The following ZFAND4 variants were observed in gnomAD, a reference collection of about 807,000 sequenced individuals.
ZFAND4 encodes the protein zinc finger AN1-type containing 4, also known as AN1-type zinc finger protein 4.
ZFAND4 carries 43 observed loss-of-function variants against 64.4 expected under a neutral mutation model. The ratio of observed to expected loss-of-function variants is 0.67; its 90% CI spans 0.52 to 0.86. ZFAND4 has a LOEUF of 0.86. ZFAND4 is among the 40% of genes least tolerant of loss of function. The pLI is 0.00. For missense variants in ZFAND4, 929 were observed against 859.8 expected (o/e 1.08, Z -1.01); for synonymous variants, 296 against 305.7 (o/e 0.97, Z 0.33).
At chr10:45,634,726 T>C (rs142071124) in intron 6 of ZFAND4, among the ~76,000 whole-genome samples, 1,599 of 152,194 alleles carry the variant, frequency 0.011, 19 homozygotes, top group South Asian at 0.016. Flanking sequence ...TTATCCTTGA[T>C]TGCAGATAAT....
At chr10:45,632,432 G>A (rs868191881) in intron 6 of ZFAND4, among the ~76,000 whole-genome samples, 1 of 152,072 alleles carries the variant, frequency 6.6e-6, no homozygotes, top group Admixed American at 6.6e-5. Context: ...AAAGAAAAAT[G>A]ATTTGTAAAG....
At chr10:45,625,612 T>C (rs1401436465) in intron 7 of ZFAND4, among the ~76,000 whole-genome samples, 1 of 151,804 alleles carries the variant, frequency 6.6e-6, no homozygotes, top group South Asian at 2.1e-4. Context: ...TTTGAAAATA[T>C]GGGTGTATTG....
At position 45,626,040 on chromosome 10, in the gene ZFAND4, CAGA is replaced by C; in HGVS notation, c.1780_1782del (p.Ser594del). 1 of 1,614,094 alleles carries C rather than the reference CAGA, an allele frequency of 6.2e-7. No homozygotes were observed. The highest frequency in any genetic ancestry group is 8.5e-7 in the Non-Finnish European group (1 of 1,180,030). ...TGGAGGTTTGTAGACAGCCCAGTTC[CAGA>C]GTTCTGAAGCCTGCCTGCCCCACGT... On this transcript the variant is annotated inframe_deletion, in exon 7 of 10. Coordinates refer to ENST00000344646, the MANE Select transcript of ZFAND4 (RefSeq NM_174890.4).
At chr10:45,662,975 A>G (rs1367215795) in intron 2 of ZFAND4, among the ~76,000 whole-genome samples, 3 of 152,218 alleles carry the variant, frequency 2.0e-5, no homozygotes, top group Non-Finnish European at 4.4e-5. Context: ...TTTAATAAAA[A>G]TTAGTCTTTT....
intron 7 of ZFAND4, 30 bp from the exon 8 acceptor site, chr10:45,624,667 G>T (rs934738413): frequency 5.7e-6 from 9 of 1,577,572 alleles, no homozygotes; most frequent in Middle Eastern, 1.7e-4. Context: ...CATCTATAGA[G>T]GTGAGTCAAT....
intron 1 of ZFAND4, among the ~76,000 whole-genome samples, chr10:45,665,767 C>T (rs1427182104): frequency 2.0e-5 from 3 of 152,140 alleles, no homozygotes; most frequent in Admixed American, 6.5e-5. Flanking sequence ...CACTAATCTA[C>T]TTTCTATCTC....
At position 45,626,225 on chromosome 10, in the gene ZFAND4, G is replaced by C. The variant is rs1446936961; in HGVS notation, c.1598C>G (p.Ser533Ter). Residue 533 changes from serine to a stop codon, truncating the protein, a stop_gained, in exon 7 of 10, where the codon TCA becomes TGA. Coordinates refer to ENST00000344646, the MANE Select transcript of ZFAND4 (RefSeq NM_174890.4). LOFTEE classifies it high-confidence loss of function. Reference sequence around the variant, plus strand: ...AATAACATCAGATCTTTTCCCAAGTGAATCAACTTTAACACCTTGAAAGCA... The same window carrying C: ...AATAACATCAGATCTTTTCCCAAGTCAATCAACTTTAACACCTTGAAAGCA... ...TTCFQGVKVD[S>*]LGKRSDVISK... The C allele has an allele frequency of 1.9e-6, 3 of 1,614,052 alleles. No individual in the cohort carries two copies. The highest frequency in any genetic ancestry group is 1.6e-4 in the Middle Eastern group (1 of 6,084).
At chr10:45,632,349 C>A (rs942721218) in intron 6 of ZFAND4, among the ~76,000 whole-genome samples, 1 of 151,902 alleles carries the variant, frequency 6.6e-6, no homozygotes, top group Non-Finnish European at 1.5e-5. Flanking sequence ...CAGGGCAAGA[C>A]TCCATCTCAA....
intron 1 of ZFAND4, among the ~76,000 whole-genome samples, chr10:45,664,400 C>T (rs1055794238): frequency 1.8e-4 from 27 of 151,792 alleles, no homozygotes; most frequent in South Asian, 2.1e-4. Flanking sequence ...TCCCAAGAAG[C>T]TGGGATTACA....
intron 2 of ZFAND4, among the ~76,000 whole-genome samples, chr10:45,661,877 T>C (rs1366583247): frequency 6.7e-6 from 1 of 150,120 alleles, no homozygotes; most frequent in Non-Finnish European, 1.5e-5. Flanking sequence ...GAGGCGGAGG[T>C]TGTGGTGAGC....
intron 5 of ZFAND4, chr10:45,640,416 T>G (rs959512029): frequency 8.2e-7 from 1 of 1,220,668 alleles, no homozygotes. Context: ...CCTGAGGAGA[T>G]TCTCACTAAA....
chr10:45,634,144 T>C (rs1018702761), intron 6 of ZFAND4, among the ~76,000 whole-genome samples: 1 of 152,196 alleles, frequency 6.6e-6, no homozygotes, highest in Non-Finnish European at 1.5e-5. Context: ...AACTTGCACA[T>C]AGATCAGCTA....
In ZFAND4 at chr10:45,663,589, G is replaced by C. The variant is rs753220445; in HGVS notation, c.137C>G (p.Pro46Arg). The change falls in exon 2 of 10, where the codon CCT (proline) becomes CGT (arginine). Residue 46 changes from proline to arginine, a missense_variant. By Grantham distance (103) the Pro-to-Arg change is moderately radical (BLOSUM62 -2). Coordinates refer to ENST00000344646, the MANE Select transcript of ZFAND4 (RefSeq NM_174890.4). Reference sequence around the variant, plus strand: ...TTTCACAGAAATAACAGTTTCAAAAGGTGAAACTCTCAGCTCAAAACATGT... The same window carrying C: ...TTTCACAGAAATAACAGTTTCAAAACGTGAAACTCTCAGCTCAAAACATGT... ...TGTCFELRVS[P>R]FETVISVKAK... 2 of 1,607,194 alleles carry C rather than the reference G, an allele frequency of 1.2e-6. No individual in the cohort carries two copies. The highest frequency in any genetic ancestry group is 2.2e-5 in the East Asian group (1 of 44,546).
Position 45,648,353 on chromosome 10 carries a change from A to C in ZFAND4, c.510T>G (p.Ser170=), listed in dbSNP as rs2047533778. Residue 170 remains serine (S), a synonymous_variant, in exon 5 of 10, where the codon TCT becomes TCG. Coordinates refer to ENST00000344646, the MANE Select transcript of ZFAND4 (RefSeq NM_174890.4). ...GDGTLTPLSD[S]SKKIDFHLHV... is the part of the protein sequence containing the mutation. ...GCAAATGAAAATCTATTTTCTTTGAAGAGTCAGATAACGGTGTTAAAGTGC... is the reference window on the plus strand; with the variant it reads ...GCAAATGAAAATCTATTTTCTTTGACGAGTCAGATAACGGTGTTAAAGTGC... 6.2e-7 allele frequency: 1 copy of C among 1,613,788 alleles called. No homozygotes were observed. The highest frequency in any genetic ancestry group is 2.2e-5 in the East Asian group (1 of 44,830).
rs778980356 is a variant in ZFAND4 at position 45,626,712 on chromosome 10, A to C, written c.1111T>G (p.Leu371Val). 3 of 1,614,064 alleles carry C rather than the reference A, an allele frequency of 1.9e-6. No homozygotes were observed. The highest frequency in any genetic ancestry group is 4.5e-5 in the East Asian group (2 of 44,894). The change falls in exon 7 of 10, where the codon TTA becomes GTA. Residue 371 changes from leucine (L) to valine (V), a missense_variant. Leu to Val is a conservative substitution (Grantham distance 32, BLOSUM62 1). Transcript: ENST00000344646. ...CCATTACTAGATGGCAAGTTTCCTA[A>C]AAAATGTTTTGTTTGCCTAGGCAGG... ...SSLPRQTKHF[L>V]GNLPSSNGNI...
At chr10:45,666,608 A>C (rs2048843021) in intron 1 of ZFAND4, among the ~76,000 whole-genome samples, 1 of 152,206 alleles carries the variant, frequency 6.6e-6, no homozygotes, top group South Asian at 2.1e-4. Context: ...AAGGTAATAA[A>C]GATTGACTTA....
chr10:45,647,433 T>G (rs916519832), intron 5 of ZFAND4, among the ~76,000 whole-genome samples: 8 of 151,756 alleles, frequency 5.3e-5, no homozygotes, highest in African/African-American at 1.9e-4. Context: ...TGTTTTTTTT[T>G]TTTTTTTTTA....
intron 1 of ZFAND4, among the ~76,000 whole-genome samples, chr10:45,668,368 A>C (rs1589454208): frequency 6.6e-6 from 1 of 152,238 alleles, no homozygotes; most frequent in Admixed American, 6.5e-5. Context: ...GCCTTACAAG[A>C]GCTCCTGAAG....
chr10:45,617,917 T>G, intron 9 of ZFAND4: 4 of 324,356 alleles, frequency 1.2e-5, no homozygotes, highest in Non-Finnish European at 2.2e-5. Context: ...GGTTTAAACC[T>G]CCTAACTTAA....
Sources: allele counts gnomAD v4.1 joint callset (sites outside exome capture counted in the v4.1 genomes callset), GRCh38; gene constraint gnomAD v4.1.1; transcripts MANE v1.5; gene names NCBI Gene and HGNC (gene_info 2026-07-23, HGNC 2026-07-21).